MPPED2: variants seen among roughly 807,000 people sequenced by gnomAD.
MPPED2 encodes the protein metallophosphoesterase domain containing 2, also known as metallophosphoesterase MPPED2.
In MPPED2, 5 loss-of-function variants were observed where a neutral mutation model predicts 33.0. That is an observed-to-expected ratio of 0.15 (90% CI 0.08 to 0.32). The LOEUF is 0.32. Ranked by LOEUF, MPPED2 falls within the 10% of genes least tolerant of loss-of-function variation. The pLI is 1.00. For missense variants in MPPED2, 275 were observed against 372.1 expected (o/e 0.74, Z 2.15); for synonymous variants, 136 against 141.9 (o/e 0.96, Z 0.29).
intron 2 of MPPED2, among the ~76,000 whole-genome samples, chr11:30,570,232 C>T (rs1426411452): frequency 1.3e-5 from 2 of 152,076 alleles, no homozygotes; most frequent in Non-Finnish European, 2.9e-5. Context: ...AGGTCACAGG[C>T]AGGCATCTTT....
intron 2 of MPPED2, among the ~76,000 whole-genome samples, chr11:30,555,765 A>G (rs911254279): frequency 7.2e-5 from 11 of 152,266 alleles, no homozygotes; most frequent in African/African-American, 2.2e-4. Context: ...ACGCAGTCTC[A>G]GGTATTTCTT....
intron 4 of MPPED2, among the ~76,000 whole-genome samples, chr11:30,475,159 T>A (rs962588698): frequency 1.3e-5 from 2 of 152,208 alleles, no homozygotes; most frequent in Non-Finnish European, 2.9e-5. Flanking sequence ...AAGTGACTGA[T>A]ATAAATTTAT....
intron 6 of MPPED2, among the ~76,000 whole-genome samples, chr11:30,401,401 C>A (rs1947906824): frequency 6.6e-6 from 1 of 152,192 alleles, no homozygotes; most frequent in African/African-American, 2.4e-5. Context: ...TTACCTGTTG[C>A]ATGGCTGAGA....
At position 30,417,120 on chromosome 11, in the gene MPPED2, C is replaced by T. The variant is rs1948401562; in HGVS notation, c.652+398G>A. Among the ~76,000 whole-genome samples, 3 of 152,158 alleles carry T rather than the reference C, an allele frequency of 2.0e-5. 1 individual carries two copies. The South Asian group carries it at 6.2e-4, about 32-fold the overall frequency. On this transcript the variant is annotated intron_variant, in intron 5 of 6. Transcript: ENST00000358117. ...ATTATATGGAAAAGGAAAATGAGCT[C>T]CTTTGAATAAAAATTTCCATCATTT...
intron 6 of MPPED2, among the ~76,000 whole-genome samples, chr11:30,400,239 TA>T (rs1034004836): frequency 1.3e-5 from 2 of 152,046 alleles, no homozygotes; most frequent in African/African-American, 2.4e-5. Flanking sequence ...ATCCAGCTAA[TA>T]AAAAAATATT....
At chr11:30,463,205 C>T (rs1190550888) in intron 4 of MPPED2, among the ~76,000 whole-genome samples, 4 of 152,144 alleles carry the variant, frequency 2.6e-5, no homozygotes, top group African/African-American at 9.7e-5. Context: ...GCAATGTAAT[C>T]CTGATAACAA....
intron 2 of MPPED2, among the ~76,000 whole-genome samples, chr11:30,556,581 G>C (rs956689877): frequency 5.3e-5 from 8 of 152,128 alleles, no homozygotes; most frequent in Non-Finnish European, 8.8e-5. Context: ...GATTAGCATG[G>C]CCTATAGATT....
chr11:30,432,512 T>A (rs563672360), intron 4 of MPPED2, among the ~76,000 whole-genome samples: 1 of 152,308 alleles, frequency 6.6e-6, no homozygotes, highest in African/African-American at 2.4e-5. Context: ...TTGAAAGGTA[T>A]CTTTATGTGA....
chr11:30,551,383 T>C (rs1206993692), intron 2 of MPPED2, among the ~76,000 whole-genome samples: 1 of 152,218 alleles, frequency 6.6e-6, no homozygotes, highest in African/African-American at 2.4e-5. Flanking sequence ...AGGCCTCTGT[T>C]ATAAGAGGAA....
At chr11:30,479,193 G>A (rs1254994003) in intron 4 of MPPED2, among the ~76,000 whole-genome samples, 1 of 152,036 alleles carries the variant, frequency 6.6e-6, no homozygotes, top group Non-Finnish European at 1.5e-5. Flanking sequence ...GATGCAATCA[G>A]AGAGCTCTTT....
chr11:30,461,058 T>G (rs1950498297), intron 4 of MPPED2, among the ~76,000 whole-genome samples: 1 of 152,134 alleles, frequency 6.6e-6, no homozygotes, highest in African/African-American at 2.4e-5. Context: ...GGAAGGAAAT[T>G]CTGACACGTG....
intron 3 of MPPED2, among the ~76,000 whole-genome samples, chr11:30,508,511 C>T (rs1037809443): frequency 7.2e-5 from 11 of 152,298 alleles, no homozygotes; most frequent in African/African-American, 2.4e-4. Flanking sequence ...GCCTCCACAA[C>T]TGTGAGAAAA....
intron 2 of MPPED2, among the ~76,000 whole-genome samples, chr11:30,567,384 T>C (rs981866226): frequency 2.0e-5 from 3 of 152,196 alleles, no homozygotes; most frequent in African/African-American, 7.2e-5. Context: ...GAGTTTCATG[T>C]TTCAGATGTG....
intron 4 of MPPED2, among the ~76,000 whole-genome samples, chr11:30,460,504 T>C (rs1950477564): frequency 6.6e-6 from 1 of 152,070 alleles, no homozygotes; most frequent in African/African-American, 2.4e-5. Flanking sequence ...GCACCTGTAG[T>C]CCCAGCTACT....
chr11:30,462,058 G>C (rs1950535001), intron 4 of MPPED2, among the ~76,000 whole-genome samples: 1 of 152,210 alleles, frequency 6.6e-6, no homozygotes, highest in East Asian at 1.9e-4. Context: ...AGGGAGACCA[G>C]GGGAAATACT....
At chr11:30,456,878 C>T (rs1284659122) in intron 4 of MPPED2, among the ~76,000 whole-genome samples, 2 of 152,088 alleles carry the variant, frequency 1.3e-5, no homozygotes, top group African/African-American at 4.8e-5. Flanking sequence ...ATTATTCATG[C>T]AATCATACAG....
chr11:30,578,687 T>C (rs1303947054), intron 2 of MPPED2, among the ~76,000 whole-genome samples: 2 of 152,152 alleles, frequency 1.3e-5, no homozygotes, highest in Non-Finnish European at 2.9e-5. Context: ...ATCTACAAAG[T>C]TCCTTGTAGT....
intron 6 of MPPED2, among the ~76,000 whole-genome samples, chr11:30,392,413 C>T (rs1289824714): frequency 6.6e-6 from 1 of 152,202 alleles, no homozygotes; most frequent in Non-Finnish European, 1.5e-5. Flanking sequence ...GTGTGACCTT[C>T]GCAGACAATA....
chr11:30,557,225 A>AATATATATCAATATCAAATATT (rs1956010873), intron 2 of MPPED2, among the ~76,000 whole-genome samples: 1 of 141,702 alleles, frequency 7.1e-6, no homozygotes, highest in African/African-American at 3.1e-5. Context: ...ATATATATAT[A>AATATATATCAATATCAAATATT]ATATATATAT....
Sources: gnomAD v4.1 joint callset for allele counts (sites outside exome capture counted in the v4.1 genomes callset) on GRCh38, gnomAD v4.1.1 for gene constraint, MANE v1.5 for transcripts, NCBI Gene and HGNC (gene_info 2026-07-23, HGNC 2026-07-21) for gene names.